The following MYH7 variants were observed in gnomAD, a reference collection of about 807,000 sequenced individuals.
The protein encoded by MYH7 is myosin-7.
Under a neutral mutation model 225.4 loss-of-function variants are expected in MYH7, and 129 were observed. The observed-to-expected ratio is 0.57, with a 90% CI of 0.50 to 0.66. The LOEUF (loss-of-function observed/expected upper bound fraction) is 0.66. Ranked by LOEUF, MYH7 falls within the 30% of genes least tolerant of loss-of-function variation. The pLI is 0.00. For missense variants in MYH7, 1,649 were observed against 2,517.0 expected (o/e 0.66, Z 7.38); for synonymous variants, 971 against 1,007.6 (o/e 0.96, Z 0.69).
Position 23,433,511 on chromosome 14 carries a change from T to C in MYH7, c.201+21A>G. ...GTGTACAGGTGGCCAGGGTGGACTC[T>C]CACATCAGCCTGACACCCACCTTGC... On this transcript the variant is annotated intron_variant, in intron 3 of 39. Coordinates refer to ENST00000355349, the MANE Select transcript of MYH7 (RefSeq NM_000257.4). The surrounding 1 kb of genome is among the most constrained non-coding windows in gnomAD (Gnocchi z 4.1). 1.2e-6 allele frequency: 2 copies of C among 1,612,724 alleles called. No individual in the cohort carries two copies. Among genetic ancestry groups the C allele is most frequent in the Non-Finnish European group, 1.7e-6 (2 of 1,179,570 alleles).
chr14:23,420,026 G>A lies in MYH7; in HGVS notation c.3545C>T (p.Thr1182Met), dbSNP rs1383737531. ...QKMRRDLEEA[T>M]LQHEATAAAL... ...CGCGGCAGTGGCCTCGTGCTGCAGC[G>A]TGGCCTCCTCCAGGTCCCGCCGCAT... Residue 1182 changes from threonine (T) to methionine (M), a missense_variant, in exon 27 of 40, where the codon ACG becomes ATG. This residue lies in a region of MYH7 where 106 missense variants were observed against 198.8 expected (regional missense o/e 0.53). Transcript: ENST00000355349. 6 of 1,578,264 alleles carry A rather than the reference G, an allele frequency of 3.8e-6. No homozygotes were observed. The highest frequency in any genetic ancestry group is 5.2e-6 in the Non-Finnish European group (6 of 1,156,870).
At chr14:23,426,672 T>C in intron 18 of MYH7, 105 bp downstream of exon 18, 1 of 1,043,554 alleles carries the variant, frequency 9.6e-7, no homozygotes. Flanking sequence ...GAGAAGAATG[T>C]GGTTTGGAAA....
At chr14:23,419,355 T>C in intron 28 of MYH7, 60 bp from the exon 29 acceptor site, 1 of 1,612,538 alleles carries the variant, frequency 6.2e-7, no homozygotes, top group Non-Finnish European at 8.5e-7. Flanking sequence ...CCTCTAGCCC[T>C]CAGGCCCCAT....
intron 12 of MYH7, 24 bp downstream of exon 12, chr14:23,429,751 C>G (rs747015419): frequency 1.2e-6 from 2 of 1,611,154 alleles, no homozygotes; most frequent in Non-Finnish European, 1.7e-6. Flanking sequence ...TTGACAGCTG[C>G]CCCCAAGAAT....
rs752021154 is a variant in MYH7, at chr14:23,415,754, T to G, written c.5032A>C (p.Asn1678His). Residue 1678 changes from asparagine (N) to histidine (H), a missense_variant, in exon 35 of 40, where the codon AAC (asparagine) becomes CAC (histidine). By Grantham distance (68) the Asn-to-His change is moderately conservative (BLOSUM62 1). Around this residue, in one of 12 missense-constraint regions of MYH7, gnomAD observed 687 missense variants for 913.8 expected, o/e 0.75. Coordinates refer to ENST00000355349, the MANE Select transcript of MYH7 (RefSeq NM_000257.4). This position sits in a 1 kb window ranked among gnomAD's most constrained non-coding sequence, Gnocchi z 6.3. Reference protein sequence around the residue: ...KENIAIVERRNNLLQAELEEL... With the variant: ...KENIAIVERRHNLLQAELEEL... ...TCCAGCTCAGCCTGCAGCAGGTTGTTGCGCCGCTCCACGATGGCGATGTTC... is the reference window on the plus strand; with the variant it reads ...TCCAGCTCAGCCTGCAGCAGGTTGTGGCGCCGCTCCACGATGGCGATGTTC... 3.1e-6 allele frequency: 5 copies of G among 1,614,052 alleles called. No individual in the cohort carries two copies. The highest frequency in any genetic ancestry group is 1.7e-5 in the Admixed American group (1 of 60,004).
chr14:23,420,937 G>T lies in MYH7; in HGVS notation c.3336+21C>A, dbSNP rs370893576. ...AACCAGCCCAGGGACTCAGCATCCC[G>T]CGTGGGTGTCCAGACCTCACCTGAA... On this transcript the variant is annotated intron_variant, in intron 26 of 39. Coordinates refer to ENST00000355349, the MANE Select transcript of MYH7 (RefSeq NM_000257.4). 4 of 1,601,940 alleles carry T rather than the reference G, an allele frequency of 2.5e-6. No individual in the cohort carries two copies. In the East Asian group the frequency reaches 6.7e-5, roughly 27 times the overall value.
chr14:23,426,940 G>C, intron 17 of MYH7, 76 bp from the exon 18 acceptor site: 2 of 1,319,498 alleles, frequency 1.5e-6, no homozygotes, highest in Non-Finnish European at 2.2e-6. Context: ...GGAGAAGAAG[G>C]AAGGAAAAGA....
At chr14:23,416,670 A>G (rs1002510891) in intron 33 of MYH7, among the ~76,000 whole-genome samples, 198 bp downstream of exon 33, 1 of 152,204 alleles carries the variant, frequency 6.6e-6, no homozygotes, top group Non-Finnish European at 1.5e-5. Context: ...AATGGGTAAA[A>G]TGTTTATGTG....
chr14:23,423,758 A>T (rs749009332), intron 23 of MYH7, 35 bp from the exon 24 acceptor site: 1 of 1,613,842 alleles, frequency 6.2e-7, no homozygotes, highest in Non-Finnish European at 8.5e-7. Flanking sequence ...TTTAGGGTCA[A>T]AGGTCACCAG....
At position 23,424,854 on chromosome 14, in the gene MYH7, T is replaced by A. The variant is rs758891557; in HGVS notation, c.2594A>T (p.Lys865Met). Residue 865 changes from lysine (K) to methionine (M), a missense_variant, in exon 22 of 40, where the codon AAG (lysine) becomes ATG (methionine). By Grantham distance (95) the Lys-to-Met change is moderately conservative. Transcript: ENST00000355349. The part of the protein sequence containing the change: ...EFTRLKEALE[K>M]SEARRKELEE... ...CAGCTCCTTGCGGCGAGCCTCGGACTTCTCTAGCGCCTCTTTGAGGCGTGT... is the reference window on the plus strand; with the variant it reads ...CAGCTCCTTGCGGCGAGCCTCGGACATCTCTAGCGCCTCTTTGAGGCGTGT... 7 of 1,614,242 alleles carry A rather than the reference T, an allele frequency of 4.3e-6. No individual in the cohort carries two copies. Among genetic ancestry groups the A allele is most frequent in the Non-Finnish European group, 5.9e-6 (7 of 1,180,048 alleles).
rs1428969680 is a variant in MYH7 at position 23,425,586 on chromosome 14, G to T, written c.2286+109C>A. On this transcript the variant is annotated intron_variant, in intron 20 of 39. Transcript: ENST00000355349. This position sits in a 1 kb window ranked among gnomAD's most constrained non-coding sequence, Gnocchi z 4.6. ...GGTGCTAGATGTTCCACTGGGAGGG[G>T]TAGCATACAGGTAAGAGATTTTGCT... 1 of 1,591,956 alleles carries T rather than the reference G, an allele frequency of 6.3e-7. No homozygotes were observed. The highest frequency in any genetic ancestry group is 2.2e-5 in the East Asian group (1 of 44,790).
rs200157204 is a variant in MYH7 at position 23,415,027 on chromosome 14, T to C, written c.5527A>G (p.Ser1843Gly). 7 of 1,610,892 alleles carry C rather than the reference T, an allele frequency of 4.3e-6. No homozygotes were observed. Among genetic ancestry groups the C allele is most frequent in the Non-Finnish European group, 5.1e-6 (6 of 1,180,010 alleles). Residue 1843 changes from serine (S) to glycine (G), a missense_variant, in exon 37 of 40, where the codon AGC (serine) becomes GGC (glycine). Ser to Gly is a moderately conservative substitution (Grantham distance 56). Coordinates refer to ENST00000355349, the MANE Select transcript of MYH7 (RefSeq NM_000257.4). This position sits in a 1 kb window ranked among gnomAD's most constrained non-coding sequence, Gnocchi z 6.3. Reference protein sequence around the residue: ...NAESVKGMRKSERRIKELTYQ... With the variant: ...NAESVKGMRKGERRIKELTYQ... The stretch of plus-strand genomic sequence containing the variant: ...GTGAGCTCCTTGATGCGCCGCTCGC[T>C]CTTCCTCATGCCCTTCACCGACTCT...
intron 17 of MYH7, 138 bp downstream of exon 17, chr14:23,427,102 A>G: frequency 2.2e-6 from 2 of 891,786 alleles, no homozygotes; most frequent in Non-Finnish European, 3.7e-6. Context: ...GGAAGAGAAG[A>G]CAGAGTGAAA....
rs730880859 is a variant in MYH7 at position 23,430,595 on chromosome 14, A to T, written c.964T>A (p.Ser322Thr). ...ATGAGCTCCTCAGCGTCATCAATGG[A>T]GGCCACGGTGGTCTCTCCTTGGGAG... ...FISQGETTVASIDDAEELMAT... is the reference protein window; with the variant it reads ...FISQGETTVATIDDAEELMAT... Residue 322 changes from serine to threonine, a missense_variant, in exon 11 of 40, where the codon TCC becomes ACC. Ser to Thr is a moderately conservative substitution (Grantham distance 58, BLOSUM62 1). Around this residue, in one of 12 missense-constraint regions of MYH7, gnomAD observed 131 missense variants for 231.3 expected, o/e 0.57. Transcript: ENST00000355349. 5 of 1,614,058 alleles carry T rather than the reference A, an allele frequency of 3.1e-6. No homozygotes were observed. The highest frequency in any genetic ancestry group is 4.2e-6 in the Non-Finnish European group (5 of 1,179,960).
intron 15 of MYH7, among the ~76,000 whole-genome samples, chr14:23,428,149 C>G (rs930231221): frequency 6.6e-6 from 1 of 152,162 alleles, no homozygotes. Flanking sequence ...GACCCAGATG[C>G]CTGAGATGCT....
intron 39 of MYH7, among the ~76,000 whole-genome samples, 157 bp from the exon 40 acceptor site, chr14:23,413,028 C>T (rs1011569844): frequency 9.2e-5 from 14 of 151,906 alleles, no homozygotes; most frequent in African/African-American, 3.4e-4. Flanking sequence ...TTCCAGGGAT[C>T]GATGTTCGGG....
rs759579652 is a variant in MYH7 at position 23,422,276 on chromosome 14, C to T, written c.3149G>A (p.Arg1050Gln). 6.2e-7 allele frequency: 1 copy of T among 1,614,134 alleles called. No homozygotes were observed. The highest frequency in any genetic ancestry group is 8.5e-7 in the Non-Finnish European group (1 of 1,180,020). ...QEKKVRMDLE[R>Q]AKRKLEGDLK... Reference sequence around the variant, plus strand: ...GTCGCCCTCCAGCTTCCGCTTCGCTCGCTCCAGGTCCATGCGCACCTTCTT... The same window carrying T: ...GTCGCCCTCCAGCTTCCGCTTCGCTTGCTCCAGGTCCATGCGCACCTTCTT... Residue 1050 changes from arginine (R) to glutamine (Q), a missense_variant, in exon 25 of 40, where the codon CGA (arginine) becomes CAA (glutamine). Arg to Gln is a conservative substitution (Grantham distance 43, BLOSUM62 1). Coordinates refer to ENST00000355349, the MANE Select transcript of MYH7 (RefSeq NM_000257.4).
intron 18 of MYH7, 40 bp from the exon 19 acceptor site, chr14:23,426,121 T>A: frequency 1.2e-6 from 2 of 1,606,996 alleles, no homozygotes; most frequent in Non-Finnish European, 1.7e-6. Flanking sequence ...GTGAGAACAC[T>A]GGACTGAAGT....
chr14:23,417,812 G>A (rs1892288346), intron 30 of MYH7, 126 bp from the exon 31 acceptor site: 1 of 1,339,940 alleles, frequency 7.5e-7, no homozygotes, highest in Non-Finnish European at 1.0e-6. Context: ...GAAGCCTGAG[G>A]ACAGGTCCCA....
Sources: allele counts gnomAD v4.1 joint callset (sites outside exome capture counted in the v4.1 genomes callset), GRCh38; gene constraint gnomAD v4.1.1; regional missense constraint gnomAD v4.1.1; non-coding constraint Gnocchi (gnomAD v3.1); transcripts MANE v1.5; gene names NCBI Gene and HGNC (gene_info 2026-07-23, HGNC 2026-07-21).